The following DMD variants were observed in gnomAD, a reference collection of about 807,000 sequenced individuals.
The protein encoded by DMD is mutant dystrophin.
Under a neutral mutation model 330.1 loss-of-function variants are expected in DMD, and 63 were observed. The observed-to-expected ratio is 0.19, with a 90% CI of 0.16 to 0.24. The LOEUF is 0.24. Ranked by LOEUF, DMD falls within the 10% of genes least tolerant of loss-of-function variation. The probability of loss-of-function intolerance (pLI) is 1.00; values close to 1 mark genes in which losing one functional copy is unlikely to be tolerated. For missense variants in DMD, 3,344 were observed against 2,684.1 expected, an observed-to-expected ratio of 1.25 and a Z score of -5.43; for synonymous variants, 1,223 against 959.8, an observed-to-expected ratio of 1.27 and a Z score of -5.07.
intron 30 of DMD, among the ~76,000 whole-genome samples, chrX:32,407,934 G>A (rs1032381272): frequency 7.5e-5 from 7 of 93,551 alleles, no homozygotes; most frequent in African/African-American, 2.8e-4. Flanking sequence ...GAGAACACAT[G>A]GACACAGGAA....
rs138389924 is a variant in DMD at position 32,931,601 on chromosome X, A to G, written c.94-81781T>C. Among the ~76,000 whole-genome samples the G allele has an allele frequency of 7.2e-3, 807 of 111,464 alleles. 6 individuals are homozygous for G. Among genetic ancestry groups the G allele is most frequent in the East Asian group, 0.063 (223 of 3,540 alleles). On this transcript the variant is annotated intron_variant, in intron 2 of 78. Coordinates refer to ENST00000357033, the MANE Select transcript of DMD (RefSeq NM_004006.3). ...AACGTATAAGCATATAAGTGTGCTTATATAAGTATGTATTCATAGTCACAC... is the reference window on the plus strand; with the variant it reads ...AACGTATAAGCATATAAGTGTGCTTGTATAAGTATGTATTCATAGTCACAC...
rs1024454624 is a variant in DMD, at chrX:32,574,069, C to A, written c.1603-223G>T. Among the ~76,000 whole-genome samples the A allele has an allele frequency of 5.4e-5, 6 of 111,670 alleles. No individual in the cohort carries two copies. The Admixed American group carries it at 5.7e-4, about 11-fold the overall frequency. ...TTTCATAGAAAAGCAAAGAGACAAG[C>A]AATATGAAGTGGTTATTATACCACT... is the stretch of plus-strand genomic sequence containing the variant. On this transcript the variant is annotated intron_variant, in intron 13 of 78. Transcript: ENST00000357033.
intron 1 of DMD, among the ~76,000 whole-genome samples, chrX:33,258,042 G>A (rs1157175506): frequency 9.0e-6 from 1 of 111,241 alleles, no homozygotes; most frequent in Non-Finnish European, 1.9e-5. Context: ...AATTTCCATT[G>A]TTTCCTATCG....
At chrX:33,155,267 A>G (rs1569556674) in intron 1 of DMD, among the ~76,000 whole-genome samples, 1 of 110,835 alleles carries the variant, frequency 9.0e-6, no homozygotes, top group African/African-American at 3.3e-5. Flanking sequence ...TAATCTTCAC[A>G]ATATCAATCA....
At chrX:32,519,300 C>G (rs1164771869) in intron 17 of DMD, among the ~76,000 whole-genome samples, 1 of 95,718 alleles carries the variant, frequency 1.0e-5, no homozygotes, top group Non-Finnish European at 2.1e-5. Flanking sequence ...CTAAAAGAAA[C>G]AGAAGACAAT....
intron 30 of DMD, among the ~76,000 whole-genome samples, chrX:32,398,909 A>G (rs1346952774): frequency 9.0e-6 from 1 of 111,354 alleles, no homozygotes; most frequent in Admixed American, 9.6e-5. Flanking sequence ...GCCCAATAGA[A>G]CAGAATAGAG....
In DMD at chrX:31,884,475, G is replaced by T. The variant is rs181127900; in HGVS notation, c.6913-9102C>A. Among the ~76,000 whole-genome samples the T allele has an allele frequency of 1.0e-3, 112 of 111,287 alleles. 1 individual carries two copies. The highest frequency in any genetic ancestry group is 3.5e-3 in the African/African-American group (107 of 30,588). On this transcript the variant is annotated intron_variant, in intron 47 of 78. Coordinates refer to ENST00000357033, the MANE Select transcript of DMD (RefSeq NM_004006.3). ...CTCAGAGAAACAGAGAAAAATGGTGGTTATTAGATCCTGGGGGTGGGGTGA... is the reference window on the plus strand; with the variant it reads ...CTCAGAGAAACAGAGAAAAATGGTGTTTATTAGATCCTGGGGGTGGGGTGA...
chrX:32,336,155 CTGTG>C (rs199730386), intron 41 of DMD, among the ~76,000 whole-genome samples: 2 of 108,782 alleles, frequency 1.8e-5, no homozygotes, highest in African/African-American at 6.7e-5. Context: ...AACATGTTAT[CTGTG>C]TGTGTATAAC....
intron 34 of DMD, among the ~76,000 whole-genome samples, chrX:32,374,478 G>T (rs1450426857): frequency 9.0e-6 from 1 of 111,530 alleles, no homozygotes; most frequent in Admixed American, 9.6e-5. Flanking sequence ...GTTAATTTTT[G>T]TATATGGTGA....
chrX:32,006,434 T>A (rs941405074), intron 44 of DMD, among the ~76,000 whole-genome samples: 1 of 111,993 alleles, frequency 8.9e-6, no homozygotes, highest in Non-Finnish European at 1.9e-5. Flanking sequence ...CTAAAAATAA[T>A]AATAAATCCA....
chrX:31,833,309 G>T (rs867044300), intron 49 of DMD, among the ~76,000 whole-genome samples: 2 of 50,007 alleles, frequency 4.0e-5, no homozygotes, highest in African/African-American at 2.6e-4. Context: ...AGGGAGAGAG[G>T]GAGAGAGGGA....
At chrX:32,346,130 T>TAC in intron 38 of DMD, 50 bp from the exon 39 acceptor site, 3 of 1,163,413 alleles carry the variant, frequency 2.6e-6, no homozygotes. Context: ...TAAAAAGCTG[T>TAC]ACATTGTTAA....
intron 49 of DMD, among the ~76,000 whole-genome samples, chrX:31,835,271 C>T (rs1445999571): frequency 8.9e-6 from 1 of 111,975 alleles, no homozygotes; most frequent in Non-Finnish European, 1.9e-5. Context: ...TAGTCATACA[C>T]CATAAGGCAT....
chrX:32,275,627 ATTGC>A (rs1181086834), intron 43 of DMD, among the ~76,000 whole-genome samples: 2 of 112,102 alleles, frequency 1.8e-5, no homozygotes, highest in Non-Finnish European at 3.8e-5. Context: ...TTATAAGAAC[ATTGC>A]TTGCTATATC....
intron 45 of DMD, among the ~76,000 whole-genome samples, chrX:31,956,813 G>A (rs1008305066): frequency 1.8e-5 from 2 of 112,196 alleles, no homozygotes; most frequent in African/African-American, 6.5e-5. Flanking sequence ...ACAAGAAAGG[G>A]GAAGTAAGAG....
intron 9 of DMD, among the ~76,000 whole-genome samples, chrX:32,682,607 AAAC>A (rs1410373510): frequency 1.8e-5 from 2 of 112,148 alleles, no homozygotes; most frequent in African/African-American, 6.5e-5. Flanking sequence ...ATATCAAAAA[AAAC>A]AAATTTTGAG....
intron 55 of DMD, among the ~76,000 whole-genome samples, chrX:31,602,837 A>G (rs1031274591): frequency 3.6e-5 from 4 of 111,651 alleles, no homozygotes; most frequent in Non-Finnish European, 5.6e-5. Flanking sequence ...TTAGCCTTCC[A>G]TTTTAACTAA....
intron 44 of DMD, among the ~76,000 whole-genome samples, chrX:31,999,142 T>C (rs764811615): frequency 1.8e-5 from 2 of 112,302 alleles, no homozygotes; most frequent in African/African-American, 6.5e-5. Flanking sequence ...GTTCATCTTT[T>C]AAGATTCTCC....
rs971516222 is a variant in DMD, at chrX:31,639,848, A to G, written c.8028-11986T>C. On this transcript the variant is annotated intron_variant, in intron 54 of 78. Transcript: ENST00000357033. ...AAGAAGGTATTACAAAGTATTTGTTATTTAAAAAAGAAAAGAGGGGTGGCA... is the reference window on the plus strand; with the variant it reads ...AAGAAGGTATTACAAAGTATTTGTTGTTTAAAAAAGAAAAGAGGGGTGGCA... Among the ~76,000 whole-genome samples the G allele has an allele frequency of 2.7e-5, 3 of 111,672 alleles. No homozygotes were observed. In the Admixed American group the frequency reaches 2.9e-4, roughly 11 times the overall value.
Sources: gnomAD v4.1 joint callset for allele counts (sites outside exome capture counted in the v4.1 genomes callset) on GRCh38, gnomAD v4.1.1 for gene constraint, MANE v1.5 for transcripts, NCBI Gene and HGNC (gene_info 2026-07-23, HGNC 2026-07-21) for gene names.